The following MAST4 variants were observed in gnomAD, a reference collection of about 807,000 sequenced individuals.
The protein encoded by MAST4 is microtubule-associated serine/threonine-protein kinase 4.
In MAST4, 89 loss-of-function variants were observed where a neutral mutation model predicts 162.7. That is an observed-to-expected ratio of 0.55 (90% CI 0.46 to 0.65). The LOEUF (loss-of-function observed/expected upper bound fraction) is 0.65, where lower values mean the gene tolerates loss of function less well. Among genes scored for constraint, MAST4 ranks in the 30% least tolerant of loss-of-function variants. The pLI is 0.00. For synonymous variants in MAST4, 1,479 were observed against 1,361.1 expected (o/e 1.09, Z -1.91); for missense variants, 3,153 against 3,374.0 (o/e 0.93, Z 1.62).
intron 4 of MAST4, among the ~76,000 whole-genome samples, chr5:66,968,973 G>C (rs1747091931): frequency 6.6e-6 from 1 of 152,212 alleles, no homozygotes. Context: ...GTAAGTTCTG[G>C]AGGGCAAGAC....
chr5:66,783,563 C>T (rs1331063433), intron 2 of MAST4, among the ~76,000 whole-genome samples: 2 of 152,160 alleles, frequency 1.3e-5, no homozygotes, highest in Admixed American at 1.3e-4. Flanking sequence ...GGGCTAAGGA[C>T]AGATCAGTTA....
intron 5 of MAST4, among the ~76,000 whole-genome samples, chr5:67,069,312 A>ATATATAT (rs1561606003): frequency 1.4e-4 from 19 of 134,006 alleles, no homozygotes; most frequent in South Asian, 2.4e-4. Context: ...ATATATATAT[A>ATATATAT]AAATTTTAAA....
intron 5 of MAST4, among the ~76,000 whole-genome samples, chr5:67,068,920 T>C (rs1450037231): frequency 6.6e-6 from 1 of 151,354 alleles, no homozygotes. Flanking sequence ...GAGAAACACG[T>C]GGGCTGAGAG....
intron 5 of MAST4, among the ~76,000 whole-genome samples, chr5:67,085,915 G>A (rs1288591260): frequency 6.6e-6 from 1 of 152,184 alleles, no homozygotes; most frequent in African/African-American, 2.4e-5. Context: ...CACTCAGGTT[G>A]AGGTTCCTGC....
chr5:66,728,843 G>T (rs887870573), intron 1 of MAST4, among the ~76,000 whole-genome samples: 7 of 152,216 alleles, frequency 4.6e-5, no homozygotes, highest in Non-Finnish European at 8.8e-5. Flanking sequence ...CCAGTAGGTG[G>T]TATGTATAAG....
chr5:66,964,979 G>A (rs1048960990), intron 4 of MAST4, among the ~76,000 whole-genome samples: 5 of 152,154 alleles, frequency 3.3e-5, no homozygotes, highest in Admixed American at 6.5e-5. Flanking sequence ...ATATCAGTGG[G>A]ACAATTTAAC....
chr5:66,634,165 T>G (rs4422493), intron 1 of MAST4, among the ~76,000 whole-genome samples: 54,243 of 151,970 alleles, frequency 0.36, 10,042 homozygotes, highest in East Asian at 0.57. Flanking sequence ...GTTCAAGCGA[T>G]TCTCCTGCCC....
At position 67,165,857 on chromosome 5, in the gene MAST4, G is replaced by T; in HGVS notation, c.6678G>T (p.Glu2226Asp). 2 of 1,613,162 alleles carry T rather than the reference G, an allele frequency of 1.2e-6. No homozygotes were observed. The highest frequency in any genetic ancestry group is 1.1e-5 in the South Asian group (1 of 91,084). ...KPSVGATKGK[E>D]PATQSLGGSS... ...GTGTCGGGGCCACAAAGGGCAAAGA[G>T]CCTGCCACTCAGTCCCTCGGTGGCT... is the stretch of plus-strand genomic sequence containing the variant. Residue 2226 changes from glutamate (E) to aspartate (D), a missense_variant, in exon 29 of 29, where the codon GAG (glutamate) becomes GAT (aspartate). By Grantham distance (45) the Glu-to-Asp change is conservative. Transcript: ENST00000403625.
At chr5:66,963,257 GT>G (rs747434304) in intron 4 of MAST4, among the ~76,000 whole-genome samples, 1 of 152,202 alleles carries the variant, frequency 6.6e-6, no homozygotes, top group South Asian at 2.1e-4. Flanking sequence ...AGGAAGACTT[GT>G]TTTTCCTTGC....
intron 3 of MAST4, among the ~76,000 whole-genome samples, chr5:66,819,054 C>G (rs1316397309): frequency 6.6e-6 from 1 of 152,068 alleles, no homozygotes; most frequent in Non-Finnish European, 1.5e-5. Context: ...CATTGCTTAC[C>G]GTGTGATGTG....
chr5:67,118,044 A>G (rs766305233), intron 12 of MAST4, among the ~76,000 whole-genome samples: 2 of 152,224 alleles, frequency 1.3e-5, no homozygotes, highest in Non-Finnish European at 2.9e-5. Context: ...CATACAGTAC[A>G]AAAAACTCTA....
chr5:67,021,123 AAGTT>A (rs1753923378), intron 4 of MAST4, among the ~76,000 whole-genome samples: 1 of 152,182 alleles, frequency 6.6e-6, no homozygotes, highest in Non-Finnish European at 1.5e-5. Context: ...TCTTTCAAGA[AAGTT>A]AGTTTAGGCA....
At position 66,954,565 on chromosome 5, in the gene MAST4, A is replaced by T. The variant is rs1745077705; in HGVS notation, c.674+54583A>T. Among the ~76,000 whole-genome samples the T allele has an allele frequency of 2.0e-5, 3 of 152,226 alleles. No individual in the cohort carries two copies. In the South Asian group the frequency reaches 6.2e-4, roughly 32 times the overall value. On this transcript the variant is annotated intron_variant, in intron 4 of 28. Coordinates refer to ENST00000403625, the MANE Select transcript of MAST4 (RefSeq NM_001164664.2). ...GGAGCCTACACTCTGATAGGGGAAG[A>T]CAGACAATAAATAAATATATGTTAG...
intron 5 of MAST4, among the ~76,000 whole-genome samples, chr5:67,088,357 C>T (rs1055425258): frequency 6.6e-6 from 1 of 152,148 alleles, no homozygotes; most frequent in East Asian, 1.9e-4. Context: ...TTCAGATAAT[C>T]AGTTATTGTG....
chr5:66,750,774 C>T (rs998721800), intron 1 of MAST4, among the ~76,000 whole-genome samples: 4 of 152,312 alleles, frequency 2.6e-5, no homozygotes, highest in African/African-American at 4.8e-5. Context: ...AGGGGAAGCT[C>T]GAACTGGGTG....
At chr5:66,995,495 C>T (rs1039281457) in intron 4 of MAST4, among the ~76,000 whole-genome samples, 1 of 152,066 alleles carries the variant, frequency 6.6e-6, no homozygotes. Context: ...AATCCACCTC[C>T]GGTTTCAAGT....
At chr5:66,797,650 C>G (rs1305488267) in intron 3 of MAST4, among the ~76,000 whole-genome samples, 1 of 152,116 alleles carries the variant, frequency 6.6e-6, no homozygotes. Flanking sequence ...TGGAAGCTAA[C>G]AACATGCTGG....
At chr5:67,046,920 T>G (rs542091409) in intron 4 of MAST4, among the ~76,000 whole-genome samples, 1 of 152,210 alleles carries the variant, frequency 6.6e-6, no homozygotes, top group South Asian at 2.1e-4. Context: ...GCCAATAAGG[T>G]CAATAATTAC....
chr5:66,669,452 G>A (rs1353889764), intron 1 of MAST4, among the ~76,000 whole-genome samples: 2 of 152,214 alleles, frequency 1.3e-5, no homozygotes, highest in African/African-American at 2.4e-5. Flanking sequence ...ATTTGAGGAT[G>A]GTTGCTGTGG....
Sources: allele counts gnomAD v4.1 joint callset (sites outside exome capture counted in the v4.1 genomes callset), GRCh38; gene constraint gnomAD v4.1.1; transcripts MANE v1.5; gene names NCBI Gene and HGNC (gene_info 2026-07-23, HGNC 2026-07-21).